The following ITSN2 variants were observed in gnomAD, a reference collection of about 807,000 sequenced individuals.
ITSN2 encodes the protein intersectin-2.
In ITSN2, 156 loss-of-function variants were observed where a neutral mutation model predicts 243.7. That is an observed-to-expected ratio of 0.64 (90% confidence interval 0.56 to 0.73). The LOEUF is 0.73. Among genes scored for constraint, ITSN2 ranks in the 30% least tolerant of loss-of-function variants. The probability of loss-of-function intolerance (pLI) is 0.00; values close to 1 mark genes in which losing one functional copy is unlikely to be tolerated. For synonymous variants in ITSN2, 703 were observed against 699.9 expected (o/e 1.00, Z -0.07); for missense variants, 1,801 against 1,996.1 (o/e 0.90, Z 1.86).
intron 1 of ITSN2, among the ~76,000 whole-genome samples, chr2:24,347,031 A>T (rs1470703734): frequency 6.6e-6 from 1 of 151,492 alleles, no homozygotes; most frequent in Non-Finnish European, 1.5e-5. Flanking sequence ...CGCCCAGCTA[A>T]TTTTTTTTGT....
chr2:24,250,826 C>G (rs1296303515), intron 25 of ITSN2, among the ~76,000 whole-genome samples: 1 of 150,516 alleles, frequency 6.6e-6, no homozygotes, highest in Non-Finnish European at 1.5e-5. Context: ...TTTTATACTT[C>G]AACCGAAAAA....
intron 21 of ITSN2, 114 bp downstream of exon 21, chr2:24,261,447 T>C: frequency 1.0e-6 from 1 of 986,238 alleles, no homozygotes; most frequent in Non-Finnish European, 1.5e-6. Context: ...AAAGTAGTCT[T>C]GAAGAGTACA....
intron 1 of ITSN2, among the ~76,000 whole-genome samples, chr2:24,331,068 C>CT (rs1182993261): frequency 0.14 from 15,634 of 111,708 alleles, 1,458 homozygotes; most frequent in African/African-American, 0.26. Context: ...CACCCGGCCA[C>CT]TTTTTTTTTT....
rs1668621571 is a variant in ITSN2 at position 24,204,345 on chromosome 2, G to C, written c.4836C>G (p.Leu1612=). 2 of 1,614,146 alleles carry C rather than the reference G, an allele frequency of 1.2e-6. No homozygotes were observed. Among genetic ancestry groups the C allele is most frequent in the Non-Finnish European group, 8.5e-7 (1 of 1,179,964 alleles). Residue 1612 remains leucine (L), a synonymous_variant, in exon 39 of 40, where the codon CTC becomes CTG. Coordinates refer to ENST00000355123, the MANE Select transcript of ITSN2 (RefSeq NM_006277.3). The surrounding 1 kb of genome is among the most constrained non-coding windows in gnomAD (Gnocchi z 5.1). ...GGCAGTTAAAATTCCACTTGGGATT[G>C]AGTGTGTCCTGGATGGTCCTGGTGG... is the stretch of plus-strand genomic sequence containing the variant. The part of the protein sequence containing the change: ...SYTTRTIQDT[L]NPKWNFNCQF...
chr2:24,262,443 A>G (rs555708377), intron 20 of ITSN2, among the ~76,000 whole-genome samples: 1 of 152,246 alleles, frequency 6.6e-6, no homozygotes, highest in South Asian at 2.1e-4. Flanking sequence ...TTCTCTGAAT[A>G]CTATTTTCCA....
intron 20 of ITSN2, among the ~76,000 whole-genome samples, chr2:24,263,310 C>T (rs1294069287): frequency 6.6e-6 from 1 of 152,118 alleles, no homozygotes; most frequent in Non-Finnish European, 1.5e-5. Context: ...GTAGTTGTGT[C>T]TCTGTTCTCC....
intron 1 of ITSN2, among the ~76,000 whole-genome samples, chr2:24,342,283 G>A (rs1260711984): frequency 3.3e-5 from 5 of 151,636 alleles, no homozygotes; most frequent in Non-Finnish European, 4.4e-5. Context: ...CTGCAGCCTC[G>A]ACCTCCCAGG....
chr2:24,208,299 A>T lies in ITSN2; in HGVS notation c.4616T>A (p.Ile1539Asn). ...GATGTACTGCTCAGACGCCGCCTTGATCTTCTGCACCCAGGCGGTCCTACG... is the reference window on the plus strand; with the variant it reads ...GATGTACTGCTCAGACGCCGCCTTGTTCTTCTGCACCCAGGCGGTCCTACG... ...INERTAWVQK[I>N]KAASEQYIDT... is the part of the protein sequence containing the mutation. The change falls in exon 37 of 40, where the codon ATC (isoleucine) becomes AAC (asparagine). Residue 1539 changes from isoleucine (I) to asparagine (N), a missense_variant. Physicochemically the swap from Ile to Asn is moderately radical, Grantham distance 149. Coordinates refer to ENST00000355123, the MANE Select transcript of ITSN2 (RefSeq NM_006277.3). The T allele has an allele frequency of 6.2e-7, 1 of 1,612,030 alleles. No individual in the cohort carries two copies. The highest frequency in any genetic ancestry group is 1.1e-5 in the South Asian group (1 of 91,046).
At chr2:24,289,872 G>A (rs1466245619) in intron 15 of ITSN2, among the ~76,000 whole-genome samples, 3 of 152,152 alleles carry the variant, frequency 2.0e-5, no homozygotes, top group African/African-American at 7.2e-5. Context: ...ATGTGACCCA[G>A]GGAAGCCATA....
rs1419029119 is a variant in ITSN2, at chr2:24,210,980, G to A, written c.4090-33C>T. On this transcript the variant is annotated intron_variant, in intron 33 of 39. Transcript: ENST00000355123. Reference sequence around the variant, plus strand: ...AGAGTGGGCAGTGTCACATGGGGGAGCTGCGTCTCTCACCTGCCCACCTGG... The same window carrying A: ...AGAGTGGGCAGTGTCACATGGGGGAACTGCGTCTCTCACCTGCCCACCTGG... 8 of 1,607,296 alleles carry A rather than the reference G, an allele frequency of 5.0e-6. No homozygotes were observed. The African/African-American group carries it at 8.0e-5, about 16-fold the overall frequency.
At chr2:24,268,694 C>T (rs767292731) in intron 20 of ITSN2, among the ~76,000 whole-genome samples, 8 of 152,038 alleles carry the variant, frequency 5.3e-5, no homozygotes, top group Non-Finnish European at 1.2e-4. Flanking sequence ...TTATCATTAA[C>T]CTGTTTCCTC....
intron 22 of ITSN2, among the ~76,000 whole-genome samples, chr2:24,259,267 T>G (rs554252898): frequency 6.6e-6 from 1 of 152,232 alleles, no homozygotes; most frequent in Non-Finnish European, 1.5e-5. Flanking sequence ...ACTCTCCACA[T>G]TCAATGGATT....
At chr2:24,339,134 T>C (rs2151897786) in intron 1 of ITSN2, among the ~76,000 whole-genome samples, 1 of 152,174 alleles carries the variant, frequency 6.6e-6, no homozygotes, top group East Asian at 1.9e-4. Flanking sequence ...CCACTCCTAC[T>C]CGTATTCAAA....
Position 24,225,521 on chromosome 2 carries a change from C to CT in ITSN2, c.3578-4456dup, listed in dbSNP as rs1448179083. ...CAGCACAGGCGCCTTGGATGGGAGGCTTTTTTGGAGACTTGAGTCTGCCTT... is the reference window on the plus strand; with the variant it reads ...CAGCACAGGCGCCTTGGATGGGAGGCTTTTTTTGGAGACTTGAGTCTGCCTT... On this transcript the variant is annotated intron_variant, in intron 29 of 39. Transcript: ENST00000355123. The surrounding 1 kb of genome is among the most constrained non-coding windows in gnomAD (Gnocchi z 4.2). Among the ~76,000 whole-genome samples, 1 of 152,140 alleles carries CT rather than the reference C, an allele frequency of 6.6e-6. No individual in the cohort carries two copies. The highest frequency in any genetic ancestry group is 1.9e-4 in the East Asian group (1 of 5,180).
rs1285329360 is a variant in ITSN2, at chr2:24,246,193, C to G, written c.3513G>C (p.Gly1171=). The change falls in exon 29 of 40, where the codon GGG becomes GGC. Residue 1171 remains glycine, a synonymous_variant. Coordinates refer to ENST00000355123, the MANE Select transcript of ITSN2 (RefSeq NM_006277.3). The stretch of plus-strand genomic sequence containing the variant: ...AGTTTGAAGGAAAGAGACCAGTCAC[C>G]CCGTTGATCTCTCCTTGCCACCAAT... The part of the protein sequence containing the change: ...DPDWWQGEIN[G]VTGLFPSNYV... 2 of 1,613,402 alleles carry G rather than the reference C, an allele frequency of 1.2e-6. No homozygotes were observed. Among genetic ancestry groups the G allele is most frequent in the African/African-American group, 1.3e-5 (1 of 74,976 alleles).
rs180941530 is a variant in ITSN2, at chr2:24,231,362, C to T, written c.3578-10296G>A. Among the ~76,000 whole-genome samples the T allele has an allele frequency of 5.6e-3, 849 of 152,324 alleles. 4 individuals carry two copies. Among genetic ancestry groups the T allele is most frequent in the Non-Finnish European group, 9.5e-3 (643 of 68,036 alleles). ...ATTTATGGAATGTGATGTGAAGATACACTCTGAGCTTCAGGAGACAGTACA... is the reference window on the plus strand; with the variant it reads ...ATTTATGGAATGTGATGTGAAGATATACTCTGAGCTTCAGGAGACAGTACA... On this transcript the variant is annotated intron_variant, in intron 29 of 39. Coordinates refer to ENST00000355123, the MANE Select transcript of ITSN2 (RefSeq NM_006277.3).
At chr2:24,342,687 T>G (rs1026957200) in intron 1 of ITSN2, among the ~76,000 whole-genome samples, 1 of 151,470 alleles carries the variant, frequency 6.6e-6, no homozygotes, top group Admixed American at 6.6e-5. Context: ...ATCAAAACAT[T>G]TGTTAAAATG....
chr2:24,212,448 T>G (rs1669575301), intron 33 of ITSN2, among the ~76,000 whole-genome samples: 1 of 152,162 alleles, frequency 6.6e-6, no homozygotes, highest in African/African-American at 2.4e-5. Flanking sequence ...CTCTCTGATT[T>G]GCCCACTTCA....
At chr2:24,299,291 A>G (rs1348138126) in intron 12 of ITSN2, among the ~76,000 whole-genome samples, 1 of 152,176 alleles carries the variant, frequency 6.6e-6, no homozygotes, top group Non-Finnish European at 1.5e-5. Flanking sequence ...TTAATAAGTT[A>G]CAGAATGACT....
Sources: allele counts gnomAD v4.1 joint callset (sites outside exome capture counted in the v4.1 genomes callset), GRCh38; gene constraint gnomAD v4.1.1; non-coding constraint Gnocchi (gnomAD v3.1); transcripts MANE v1.5; gene names NCBI Gene and HGNC (gene_info 2026-07-23, HGNC 2026-07-21).